Variants in LRBA observed in about 807,000 individuals in gnomAD.
LRBA encodes LPS responsive beige-like anchor protein.
Under a neutral mutation model 330.0 loss-of-function variants are expected in LRBA, and 176 were observed. The ratio of observed to expected loss-of-function variants is 0.53; its 90% confidence interval spans 0.47 to 0.60. The LOEUF (loss-of-function observed/expected upper bound fraction) is 0.60, where lower values mean the gene tolerates loss of function less well. LRBA is among the 20% of genes least tolerant of loss of function. The probability of loss-of-function intolerance (pLI) is 0.00; values close to 1 mark genes in which losing one functional copy is unlikely to be tolerated. For missense variants in LRBA, 3,259 were observed against 3,444.8 expected, an observed-to-expected ratio of 0.95 and a Z score of 1.35; for synonymous variants, 1,230 against 1,193.0, an observed-to-expected ratio of 1.03 and a Z score of -0.64.
intron 40 of LRBA, among the ~76,000 whole-genome samples, chr4:150,563,240 CTA>C (rs954260905): frequency 1.3e-5 from 2 of 152,018 alleles, no homozygotes; most frequent in South Asian, 2.1e-4. Context: ...TCTTTAAAAT[CTA>C]TGTTTTTACA....
chr4:150,969,136 C>T (rs879638329), intron 2 of LRBA, among the ~76,000 whole-genome samples: 3 of 152,212 alleles, frequency 2.0e-5, no homozygotes, highest in Admixed American at 1.3e-4. Context: ...CACCTAAGAG[C>T]TCTGATGCAG....
chr4:150,296,042 T>C (rs905291464), intron 53 of LRBA, among the ~76,000 whole-genome samples: 10 of 152,248 alleles, frequency 6.6e-5, no homozygotes, highest in Non-Finnish European at 1.3e-4. Flanking sequence ...TGAAATCTTA[T>C]TCAGATTTGT....
At chr4:150,884,920 A>C (rs1335299419) in intron 17 of LRBA, among the ~76,000 whole-genome samples, 1 of 152,142 alleles carries the variant, frequency 6.6e-6, no homozygotes, top group African/African-American at 2.4e-5. Flanking sequence ...TAGTATGTTC[A>C]AATAATTGAA....
intron 2 of LRBA, among the ~76,000 whole-genome samples, chr4:150,982,072 T>C (rs1200151735): frequency 2.0e-5 from 3 of 151,860 alleles, no homozygotes; most frequent in African/African-American, 7.3e-5. Flanking sequence ...ATGGAGTCAA[T>C]GAAAAATAAT....
intron 46 of LRBA, among the ~76,000 whole-genome samples, chr4:150,423,834 G>A (rs1344417834): frequency 1.3e-5 from 2 of 152,110 alleles, no homozygotes; most frequent in African/African-American, 2.4e-5. Context: ...CATAAAATGA[G>A]TCCCCCCCAC....
At chr4:150,483,127 C>G (rs1757483578) in intron 42 of LRBA, among the ~76,000 whole-genome samples, 1 of 151,996 alleles carries the variant, frequency 6.6e-6, no homozygotes, top group Non-Finnish European at 1.5e-5. Flanking sequence ...TTACGTTTGT[C>G]TACACTACGT....
intron 34 of LRBA, among the ~76,000 whole-genome samples, chr4:150,774,149 A>T (rs1736952588): frequency 6.6e-6 from 1 of 152,176 alleles, no homozygotes; most frequent in Non-Finnish European, 1.5e-5. Context: ...TTGTTTAATT[A>T]AAAAAATAAA....
At chr4:150,730,405 G>A (rs1427374063) in intron 36 of LRBA, among the ~76,000 whole-genome samples, 12 of 152,140 alleles carry the variant, frequency 7.9e-5, no homozygotes, top group Non-Finnish European at 2.9e-5. Context: ...TGTTCAGGCC[G>A]GGTGCAGTGG....
chr4:150,872,787 T>A (rs1181954511), intron 17 of LRBA, 32 bp from the exon 18 acceptor site: 1 of 1,124,318 alleles, frequency 8.9e-7, no homozygotes, highest in Non-Finnish European at 1.3e-6. Flanking sequence ...ACAAACTATT[T>A]TGAGTATAAT....
rs1056947818 is a variant in LRBA, at chr4:150,514,754, C to T, written c.6331-23719G>A. Among the ~76,000 whole-genome samples, 20 of 152,316 alleles carry T rather than the reference C, an allele frequency of 1.3e-4. 1 individual carries two copies. Among genetic ancestry groups the T allele is most frequent in the Admixed American group, 1.3e-3 (20 of 15,294 alleles). ...GAACTCTGATCTTTCTACCTGCTTGCATTCGATCCGAAGTATATTAACTTA... is the reference window on the plus strand; with the variant it reads ...GAACTCTGATCTTTCTACCTGCTTGTATTCGATCCGAAGTATATTAACTTA... On this transcript the variant is annotated intron_variant, in intron 40 of 56. Transcript: ENST00000651943.
At chr4:150,346,783 A>AAAAAAAAAAAAAAAAC (rs1736408222) in intron 48 of LRBA, among the ~76,000 whole-genome samples, 1 of 133,586 alleles carries the variant, frequency 7.5e-6, no homozygotes, top group African/African-American at 2.6e-5. Context: ...AAAAAAAAAA[A>AAAAAAAAAAAAAAAAC]AAAACACTTA....
chr4:150,859,846 G>C (rs1482320733), intron 22 of LRBA, among the ~76,000 whole-genome samples: 1 of 152,160 alleles, frequency 6.6e-6, no homozygotes, highest in Non-Finnish European at 1.5e-5. Flanking sequence ...GGGATATTGA[G>C]ATTCAAAATG....
At chr4:150,628,396 G>C (rs1162953668) in intron 37 of LRBA, among the ~76,000 whole-genome samples, 1 of 152,038 alleles carries the variant, frequency 6.6e-6, no homozygotes, top group Non-Finnish European at 1.5e-5. Context: ...TTATTTTATA[G>C]AATGATCAAA....
intron 21 of LRBA, 134 bp from the exon 22 acceptor site, chr4:150,867,997 A>G (rs1456330180): frequency 1.1e-6 from 1 of 911,940 alleles, no homozygotes; most frequent in East Asian, 2.6e-5. Flanking sequence ...ATACATTAAG[A>G]ACAATTCGAC....
At chr4:150,934,730 C>G (rs962644726) in intron 2 of LRBA, among the ~76,000 whole-genome samples, 1 of 151,736 alleles carries the variant, frequency 6.6e-6, no homozygotes, top group African/African-American at 2.4e-5. Flanking sequence ...AAAATTAGGC[C>G]GGGCACAGTG....
intron 40 of LRBA, among the ~76,000 whole-genome samples, chr4:150,522,886 C>T (rs1233985806): frequency 1.3e-5 from 2 of 152,184 alleles, no homozygotes; most frequent in Non-Finnish European, 2.9e-5. Flanking sequence ...CTGAATAGAG[C>T]CCCCACTAGG....
At chr4:150,699,347 C>T (rs910312090) in intron 36 of LRBA, among the ~76,000 whole-genome samples, 22 of 152,018 alleles carry the variant, frequency 1.4e-4, no homozygotes, top group Admixed American at 1.4e-3. Context: ...CACTGTGATG[C>T]CCTTCTATCA....
intron 46 of LRBA, among the ~76,000 whole-genome samples, chr4:150,419,423 A>G (rs1748263333): frequency 6.6e-6 from 1 of 152,132 alleles, no homozygotes; most frequent in African/African-American, 2.4e-5. Context: ...TTTTCTAGGT[A>G]TCACACAAGC....
intron 32 of LRBA, among the ~76,000 whole-genome samples, chr4:150,806,612 C>T (rs1056307084): frequency 2.0e-5 from 3 of 152,110 alleles, no homozygotes; most frequent in Admixed American, 2.0e-4. Flanking sequence ...CAATCTCCAA[C>T]AAACAACCTG....
Sources: gnomAD v4.1 joint callset for allele counts (sites outside exome capture counted in the v4.1 genomes callset) on GRCh38, gnomAD v4.1.1 for gene constraint, MANE v1.5 for transcripts, NCBI Gene and HGNC (gene_info 2026-07-23, HGNC 2026-07-21) for gene names.